Variants in MYH1 observed in about 807,000 individuals in gnomAD.
The protein encoded by MYH1 is myosin heavy chain 1, also known as myosin-1.
Under a neutral mutation model 225.6 loss-of-function variants are expected in MYH1, and 214 were observed. The ratio of observed to expected loss-of-function variants is 0.95; its 90% CI spans 0.85 to 1.06. The LOEUF is 1.06. Ranked by LOEUF, MYH1 falls within the 50% of genes least tolerant of loss-of-function variation. The probability of loss-of-function intolerance (pLI) is 0.00; values close to 1 mark genes in which losing one functional copy is unlikely to be tolerated. For synonymous variants in MYH1, 774 were observed against 842.3 expected (o/e 0.92, Z 1.40); for missense variants, 2,098 against 2,344.2 (o/e 0.89, Z 2.17).
Position 10,512,456 on chromosome 17 carries a change from A to G in MYH1, c.1099T>C (p.Phe367Leu). 5 of 1,614,090 alleles carry G rather than the reference A, an allele frequency of 3.1e-6. No homozygotes were observed. The highest frequency in any genetic ancestry group is 4.2e-6 in the Non-Finnish European group (5 of 1,179,990). Residue 367 changes from phenylalanine to leucine, a missense_variant, in exon 12 of 40, where the codon TTC becomes CTC. By Grantham distance (22) the Phe-to-Leu change is conservative. Coordinates refer to ENST00000226207, the MANE Select transcript of MYH1 (RefSeq NM_005963.4). ...TGCTCCTCACGCTGCTTTTGCTTGA[A>G]TTTCATGTTCCCATAATGCATCACA... Reference protein sequence around the residue: ...GAVMHYGNMKFKQKQREEQAE... With the variant: ...GAVMHYGNMKLKQKQREEQAE...
intron 28 of MYH1, 112 bp downstream of exon 28, chr17:10,500,514 A>T: frequency 6.7e-7 from 1 of 1,491,010 alleles, no homozygotes; most frequent in Non-Finnish European, 9.1e-7. Flanking sequence ...ATTAGTGGGG[A>T]TCTCCCAGGG....
intron 19 of MYH1, 83 bp downstream of exon 19, chr17:10,505,729 G>T: frequency 6.5e-7 from 1 of 1,539,786 alleles, no homozygotes; most frequent in South Asian, 1.2e-5. Flanking sequence ...ATTTTAAGAG[G>T]AGGTATAAAG....
Position 10,501,760 on chromosome 17 carries a change from G to A in MYH1, c.3257+6C>T. On this transcript the variant is annotated splice_donor_region_variant and intron_variant, in intron 25 of 39. Coordinates refer to ENST00000226207, the MANE Select transcript of MYH1 (RefSeq NM_005963.4). The stretch of plus-strand genomic sequence containing the variant: ...CCCACAAAACTGTTGACCTAAAACT[G>A]CTTACTTTTTAAGCTTTTCATCAAG... 6.2e-7 allele frequency: 1 copy of A among 1,613,738 alleles called. No homozygotes were observed. Among genetic ancestry groups the A allele is most frequent in the Non-Finnish European group, 8.5e-7 (1 of 1,179,928 alleles).
At position 10,495,404 on chromosome 17, in the gene MYH1, A is replaced by G; in HGVS notation, c.5170-87T>C. 7 of 1,459,876 alleles carry G rather than the reference A, an allele frequency of 4.8e-6. 1 individual carries two copies. Among genetic ancestry groups the G allele is most frequent in the Non-Finnish European group, 6.6e-6 (7 of 1,060,514 alleles). The allele number at this position is 1,459,876 out of a possible 1,614,324, so 90.4% of individuals were successfully genotyped here. On this transcript the variant is annotated intron_variant, in intron 35 of 39. Coordinates refer to ENST00000226207, the MANE Select transcript of MYH1 (RefSeq NM_005963.4). ...GTTCTAATGAACCATAAACTAATTA[A>G]CTAAATGAATTCATTAATATTCCTC...
Position 10,498,693 on chromosome 17 carries a change from C to T in MYH1, c.4114G>A (p.Val1372Ile), listed in dbSNP as rs1406036179. 1.9e-6 allele frequency: 3 copies of T among 1,613,942 alleles called. No homozygotes were observed. Among genetic ancestry groups the T allele is most frequent in the Non-Finnish European group, 2.5e-6 (3 of 1,179,916 alleles). ...TCATATTTGGTCCTCCACTGGGCAACCTCACTGTTGGCCTTGGACATTGCT... is the reference window on the plus strand; with the variant it reads ...TCATATTTGGTCCTCCACTGGGCAATCTCACTGTTGGCCTTGGACATTGCT... ...QRAMSKANSE[V>I]AQWRTKYETD... The change falls in exon 30 of 40, where the codon GTT becomes ATT. Residue 1372 changes from valine (V) to isoleucine (I), a missense_variant. By Grantham distance (29) the Val-to-Ile change is conservative. Transcript: ENST00000226207.
At chr17:10,507,787 A>T in intron 17 of MYH1, 99 bp downstream of exon 17, 4 of 970,780 alleles carry the variant, frequency 4.1e-6, no homozygotes, top group Non-Finnish European at 6.5e-6. Context: ...GTTGAGTCAC[A>T]TCAGTTCTAG....
rs761447230 is a variant in MYH1, at chr17:10,502,830, G to A, written c.3019C>T (p.His1007Tyr). The A allele has an allele frequency of 1.2e-6, 2 of 1,613,978 alleles. No homozygotes were observed. The highest frequency in any genetic ancestry group is 1.7e-6 in the Non-Finnish European group (2 of 1,179,996). The change falls in exon 24 of 40, where the codon CAC becomes TAC. Residue 1007 changes from histidine (H) to tyrosine (Y), a missense_variant. Coordinates refer to ENST00000226207, the MANE Select transcript of MYH1 (RefSeq NM_005963.4). ...TGCAGGTCATCCAGGGTCTGCTGGT[G>A]GGCCTCCTGGAGAGCCTTCTTCTCC... ...TKEKKALQEAHQQTLDDLQAE... is the reference protein window; with the variant it reads ...TKEKKALQEAYQQTLDDLQAE...
In MYH1 at chr17:10,495,953, G is replaced by A. The variant is rs2072987900; in HGVS notation, c.5166C>T (p.Thr1722=). The change falls in exon 35 of 40, where the codon ACC becomes ACT. Residue 1722 remains threonine, a synonymous_variant. Transcript: ENST00000226207. ...GCTATTCTATTATTACATGCACCTGGGTGTGCAGGAGCTGAACACGCTCAC... is the reference window on the plus strand; with the variant it reads ...GCTATTCTATTATTACATGCACCTGAGTGTGCAGGAGCTGAACACGCTCAC... ...DASERVQLLH[T]QNTSLINTKK... 1.9e-6 allele frequency: 3 copies of A among 1,613,876 alleles called. No homozygotes were observed. Among genetic ancestry groups the A allele is most frequent in the South Asian group, 1.1e-5 (1 of 91,064 alleles).
At chr17:10,499,395 A>G (rs1029495798) in intron 28 of MYH1, among the ~76,000 whole-genome samples, 5 of 152,230 alleles carry the variant, frequency 3.3e-5, no homozygotes, top group African/African-American at 1.2e-4. Flanking sequence ...AAGCCAACAA[A>G]ATATTCTAGT....
intron 2 of MYH1, among the ~76,000 whole-genome samples, chr17:10,516,960 T>C (rs2073235916): frequency 6.6e-6 from 1 of 152,210 alleles, no homozygotes; most frequent in Non-Finnish European, 1.5e-5. Flanking sequence ...GGTATATTAA[T>C]CTTTATAAGC....
rs749970415 is a variant in MYH1 at position 10,516,029 on chromosome 17, C to T, written c.402G>A (p.Val134=). ...AGGCTGTCACCACCTCTGCATTATA[C>T]ACTGGCAACCACTTGTAGGGGTTGA... ...VTVNPYKWLP[V]YNAEVVTAYR... is the part of the protein sequence containing the mutation. Residue 134 remains valine (V), a synonymous_variant, in exon 5 of 40, where the codon GTG becomes GTA. Coordinates refer to ENST00000226207, the MANE Select transcript of MYH1 (RefSeq NM_005963.4). The T allele has an allele frequency of 1.2e-6, 2 of 1,614,036 alleles. No homozygotes were observed. Among genetic ancestry groups the T allele is most frequent in the Non-Finnish European group, 1.7e-6 (2 of 1,180,004 alleles).
intron 3 of MYH1, 35 bp downstream of exon 3, chr17:10,516,404 G>T: frequency 6.2e-7 from 1 of 1,614,146 alleles, no homozygotes; most frequent in Non-Finnish European, 8.5e-7. Flanking sequence ...CCAAAATGAG[G>T]CAGAGTCTAA....
Position 10,497,188 on chromosome 17 carries a change from TCTC to T in MYH1, c.4534_4536del (p.Glu1512del), listed in dbSNP as rs762460341. On this transcript the variant is annotated inframe_deletion and splice_region_variant, in exon 33 of 40. Coordinates refer to ENST00000226207, the MANE Select transcript of MYH1 (RefSeq NM_005963.4). Reference sequence around the variant, plus strand: ...GCAATCTGTTCAGTGAGATCAGAAATCTCCTCTGTTGGTGAACAAAAAATATAG... The same window carrying T: ...GCAATCTGTTCAGTGAGATCAGAAATCTCTGTTGGTGAACAAAAAATATAG... The T allele has an allele frequency of 5.6e-6, 9 of 1,610,698 alleles. No homozygotes were observed. The highest frequency in any genetic ancestry group is 1.7e-4 in the Middle Eastern group (1 of 6,058).
rs375962688 is a variant in MYH1 at position 10,500,778 on chromosome 17, A to G, written c.3739-26T>C. On this transcript the variant is annotated intron_variant, in intron 27 of 39. Transcript: ENST00000226207. ...CTGCATTCAAAAAGTGGTAGAAGGC[A>G]TCTCAAGTAAGTAGTTGGACCAAAG... is the stretch of plus-strand genomic sequence containing the variant. 5 of 1,613,944 alleles carry G rather than the reference A, an allele frequency of 3.1e-6. No homozygotes were observed. The African/African-American group carries it at 6.7e-5, about 22-fold the overall frequency.
At position 10,516,713 on chromosome 17, in the gene MYH1, T is replaced by C. The variant is rs148168046; in HGVS notation, c.-40-31A>G. On this transcript the variant is annotated intron_variant, in intron 2 of 39. Coordinates refer to ENST00000226207, the MANE Select transcript of MYH1 (RefSeq NM_005963.4). Reference sequence around the variant, plus strand: ...AGAGGAAGAAAAGAAATTGTAGAAATTAAGAAACTGGACCATTAGATTCAC... The same window carrying C: ...AGAGGAAGAAAAGAAATTGTAGAAACTAAGAAACTGGACCATTAGATTCAC... The C allele has an allele frequency of 1.5e-5, 23 of 1,564,246 alleles. No individual in the cohort carries two copies. The African/African-American group carries it at 3.0e-4, about 21-fold the overall frequency.
In MYH1 at chr17:10,498,764, C is replaced by A; in HGVS notation, c.4043G>T (p.Arg1348Leu). The A allele has an allele frequency of 1.2e-6, 2 of 1,614,194 alleles. No homozygotes were observed. The highest frequency in any genetic ancestry group is 1.7e-6 in the Non-Finnish European group (2 of 1,180,030). The change falls in exon 30 of 40, where the codon CGG becomes CTG. Residue 1348 changes from arginine (R) to leucine (L), a missense_variant. Physicochemically the swap from Arg to Leu is moderately radical, Grantham distance 102. Transcript: ENST00000226207. ...QSSRHDCDLLREQYEEEQEAK... is the reference protein window; with the variant it reads ...QSSRHDCDLLLEQYEEEQEAK... ...TTCCTGCTCCTCCTCATACTGTTCC[C>A]GCAGCAGGTCACAGTCATGGCGGGA...
chr17:10,515,420 G>A (rs1393128839), intron 5 of MYH1, among the ~76,000 whole-genome samples: 1 of 152,142 alleles, frequency 6.6e-6, no homozygotes, highest in East Asian at 1.9e-4. Context: ...CTGTTTATAT[G>A]TGTGTAGCCC....
At chr17:10,513,934 C>T (rs2073198694) in intron 7 of MYH1, 21 bp from the exon 8 acceptor site, 3 of 1,613,748 alleles carry the variant, frequency 1.9e-6, no homozygotes, top group Non-Finnish European at 2.5e-6. Flanking sequence ...AAGAGCAGTC[C>T]TTGCATCTGG....
At position 10,501,252 on chromosome 17, in the gene MYH1, T is replaced by G. The variant is rs962789365; in HGVS notation, c.3596A>C (p.Lys1199Thr). ...HEATAATLRK[K>T]HADSVAELGE... ...AAGCTCGGCCACACTATCTGCATGC[T>G]TCTTCCTCAGGGTGGCCGCCGTGGC... The change falls in exon 27 of 40, where the codon AAG becomes ACG. Residue 1199 changes from lysine (K) to threonine (T), a missense_variant. By Grantham distance (78) the Lys-to-Thr change is moderately conservative. Coordinates refer to ENST00000226207, the MANE Select transcript of MYH1 (RefSeq NM_005963.4). The G allele has an allele frequency of 6.2e-7, 1 of 1,614,206 alleles. No homozygotes were observed. The highest frequency in any genetic ancestry group is 1.6e-4 in the Middle Eastern group (1 of 6,062).
Sources: allele counts gnomAD v4.1 joint callset (sites outside exome capture counted in the v4.1 genomes callset), GRCh38; gene constraint gnomAD v4.1.1; transcripts MANE v1.5; gene names NCBI Gene and HGNC (gene_info 2026-07-23, HGNC 2026-07-21).